The following KANSL1L variants were observed in gnomAD, a reference collection of about 807,000 sequenced individuals.
KANSL1L encodes KAT8 regulatory NSL complex subunit 1 like.
KANSL1L carries 25 observed loss-of-function variants against 108.6 expected under a neutral mutation model. The observed-to-expected ratio is 0.23, with a 90% CI of 0.17 to 0.32. The LOEUF is 0.32. KANSL1L is among the 10% of genes least tolerant of loss of function. The pLI is 1.00. For synonymous variants in KANSL1L, 405 were observed against 395.1 expected (o/e 1.03, Z -0.30); for missense variants, 1,137 against 1,125.7 (o/e 1.01, Z -0.14).
At chr2:210,100,220 A>G (rs1332640438) in intron 4 of KANSL1L, among the ~76,000 whole-genome samples, 1 of 152,034 alleles carries the variant, frequency 6.6e-6, no homozygotes, top group Non-Finnish European at 1.5e-5. Flanking sequence ...TGCTCCTTAT[A>G]AGACTCTAAT....
chr2:210,120,953 T>C (rs2095013013), intron 3 of KANSL1L, among the ~76,000 whole-genome samples: 2 of 152,028 alleles, frequency 1.3e-5, no homozygotes, highest in Non-Finnish European at 2.9e-5. Context: ...TGAGATACCA[T>C]CTAACTCCAG....
chr2:210,087,146 AG>A (rs2094645826), intron 5 of KANSL1L, among the ~76,000 whole-genome samples: 4 of 151,628 alleles, frequency 2.6e-5, no homozygotes, highest in African/African-American at 9.7e-5. Flanking sequence ...CTCCCACCTC[AG>A]CGTCCCAAGC....
Position 210,022,653 on chromosome 2 carries a change from T to C in KANSL1L, c.*296A>G. 2.8e-6 allele frequency: 1 copy of C among 357,416 alleles called. No homozygotes were observed. The highest frequency in any genetic ancestry group is 5.2e-6 in the Non-Finnish European group (1 of 191,582). 22.1% of individuals were successfully genotyped at this position (357,416 alleles called of 1,614,324 possible). A position where few individuals can be genotyped will look rare whatever the true frequency, so the allele number is the denominator to read the frequency against. On this transcript the variant is annotated 3_prime_UTR_variant, in exon 15 of 15. Transcript: ENST00000281772. The stretch of plus-strand genomic sequence containing the variant: ...GTATGTATGGTGTGGGTACATAGTC[T>C]TAAAAATTACCCAGTAATGTGATTT...
chr2:210,070,224 C>CTTTTTTTTTTTTTTTT (rs71043971), intron 6 of KANSL1L, among the ~76,000 whole-genome samples: 2 of 77,542 alleles, frequency 2.6e-5, no homozygotes, highest in Non-Finnish European at 4.2e-5. Flanking sequence ...TTTCTCCGTT[C>CTTTTTTTTTTTTTTTT]TTTTTTTTTT....
chr2:210,170,310 G>C (rs1263671286), intron 1 of KANSL1L: 2 of 961,204 alleles, frequency 2.1e-6, no homozygotes, highest in African/African-American at 1.8e-5. Flanking sequence ...CCTGAAGTTT[G>C]GGGAATCAAA....
chr2:210,123,497 T>C (rs932793163), intron 3 of KANSL1L, among the ~76,000 whole-genome samples: 39 of 151,772 alleles, frequency 2.6e-4, no homozygotes, highest in African/African-American at 8.9e-4. Context: ...ATTGAACTCA[T>C]GGAGATAGTA....
At chr2:210,082,074 C>G (rs2125351199) in intron 5 of KANSL1L, among the ~76,000 whole-genome samples, 2 of 152,272 alleles carry the variant, frequency 1.3e-5, no homozygotes, top group South Asian at 2.1e-4. Context: ...GCTGGGACTA[C>G]AGGTGCATGC....
At chr2:210,131,434 C>A (rs1195505725) in intron 2 of KANSL1L, among the ~76,000 whole-genome samples, 1 of 151,980 alleles carries the variant, frequency 6.6e-6, no homozygotes, top group Non-Finnish European at 1.5e-5. Flanking sequence ...AAGTTTTGCT[C>A]CAGTTGGAAA....
At chr2:210,033,901 T>A (rs772166241) in intron 8 of KANSL1L, among the ~76,000 whole-genome samples, 1 of 152,130 alleles carries the variant, frequency 6.6e-6, no homozygotes, top group African/African-American at 2.4e-5. Flanking sequence ...TCCTTCTAAT[T>A]CGTTACTGTC....
chr2:210,145,630 A>G (rs2095259994), intron 2 of KANSL1L, among the ~76,000 whole-genome samples: 1 of 152,216 alleles, frequency 6.6e-6, no homozygotes, highest in South Asian at 2.1e-4. Flanking sequence ...TTTCTGAGGC[A>G]TGGGCACACA....
At chr2:210,091,388 TA>T (rs2094691966) in intron 5 of KANSL1L, among the ~76,000 whole-genome samples, 1 of 152,110 alleles carries the variant, frequency 6.6e-6, no homozygotes, top group Non-Finnish European at 1.5e-5. Flanking sequence ...CTTAACCTTT[TA>T]AAAAAATGAA....
chr2:210,138,046 C>T (rs182151645), intron 2 of KANSL1L, among the ~76,000 whole-genome samples: 76 of 151,982 alleles, frequency 5.0e-4, no homozygotes, highest in Middle Eastern at 3.4e-3. Flanking sequence ...AAAAATTGTA[C>T]ATATCTATAT....
At chr2:210,111,676 C>T (rs1470046121) in intron 3 of KANSL1L, among the ~76,000 whole-genome samples, 1 of 151,946 alleles carries the variant, frequency 6.6e-6, no homozygotes, top group Non-Finnish European at 1.5e-5. Flanking sequence ...AGTAAGAATG[C>T]AGAACATCAA....
Position 210,023,081 on chromosome 2 carries a change from G to T in KANSL1L, c.2832C>A (p.Ser944Arg). Residue 944 changes from serine (S) to arginine (R), a missense_variant, in exon 15 of 15, where the codon AGC becomes AGA. Physicochemically the swap from Ser to Arg is moderately radical, Grantham distance 110. Around this residue, in one of 3 missense-constraint regions of KANSL1L, gnomAD observed 575 missense variants for 567.1 expected, o/e 1.01. Coordinates refer to ENST00000281772, the MANE Select transcript of KANSL1L (RefSeq NM_152519.4). ...DEKKDQVERS[S>R]TAFHGEIFGT... ...CGAAGATTTCACCATGGAAAGCTGTGCTTGACCTTTCAACCTGATCCTTTT... is the reference window on the plus strand; with the variant it reads ...CGAAGATTTCACCATGGAAAGCTGTTCTTGACCTTTCAACCTGATCCTTTT... The T allele has an allele frequency of 6.2e-7, 1 of 1,613,858 alleles. No homozygotes were observed.
chr2:210,045,069 C>T (rs1222539837), intron 6 of KANSL1L, among the ~76,000 whole-genome samples: 5 of 152,142 alleles, frequency 3.3e-5, no homozygotes, highest in Non-Finnish European at 5.9e-5. Context: ...TGCACCTGGC[C>T]ACATTAACCG....
At chr2:210,096,449 C>T (rs1344142436) in intron 5 of KANSL1L, 1 of 972,110 alleles carries the variant, frequency 1.0e-6, no homozygotes, top group Non-Finnish European at 1.2e-6. Flanking sequence ...ATTATGCAAT[C>T]AATGCTTTGC....
intron 3 of KANSL1L, among the ~76,000 whole-genome samples, chr2:210,115,489 CTAGCAAAAA>C (rs1361188274): frequency 5.3e-5 from 8 of 152,092 alleles, no homozygotes; most frequent in Non-Finnish European, 1.0e-4. Flanking sequence ...AAGTCAGTAA[CTAGCAAAAA>C]TTCTTGAGTT....
intron 3 of KANSL1L, among the ~76,000 whole-genome samples, chr2:210,126,863 G>A (rs1056490371): frequency 6.6e-6 from 1 of 152,002 alleles, no homozygotes; most frequent in Non-Finnish European, 1.5e-5. Flanking sequence ...CTCACGTCCT[G>A]ATTTCAAAAA....
At chr2:210,023,222 T>TAG in intron 14 of KANSL1L, 43 bp from the exon 15 acceptor site, 1 of 1,378,824 alleles carries the variant, frequency 7.3e-7, no homozygotes, top group Non-Finnish European at 1.0e-6. Flanking sequence ...ACTAACTTGT[T>TAG]TTGTTTAAAT....
Sources: gnomAD v4.1 joint callset for allele counts (sites outside exome capture counted in the v4.1 genomes callset) on GRCh38, gnomAD v4.1.1 for gene constraint, gnomAD v4.1.1 regional missense constraint, MANE v1.5 for transcripts, NCBI Gene and HGNC (gene_info 2026-07-23, HGNC 2026-07-21) for gene names.